The following ZFR variants were observed in gnomAD, a reference collection of about 807,000 sequenced individuals.
ZFR encodes zinc finger RNA-binding protein.
Under a neutral mutation model 130.7 loss-of-function variants are expected in ZFR, and 19 were observed. The ratio of observed to expected loss-of-function variants is 0.15; its 90% CI spans 0.10 to 0.21. The LOEUF (loss-of-function observed/expected upper bound fraction) is 0.21. Among genes scored for constraint, ZFR ranks in the 10% least tolerant of loss-of-function variants. ZFR has a pLI of 1.00. For missense variants in ZFR, 872 were observed against 1,321.5 expected (o/e 0.66, Z 5.27); for synonymous variants, 466 against 456.9 (o/e 1.02, Z -0.25).
chr5:32,442,532 C>T (rs1754497980), intron 2 of ZFR, among the ~76,000 whole-genome samples: 1 of 152,152 alleles, frequency 6.6e-6, no homozygotes, highest in Non-Finnish European at 1.5e-5. Context: ...CTTGAAATGC[C>T]CCCAAGATTT....
chr5:32,377,220 C>CTCTG (rs1752841326), intron 17 of ZFR, among the ~76,000 whole-genome samples: 2 of 150,236 alleles, frequency 1.3e-5, no homozygotes, highest in South Asian at 4.2e-4. Context: ...CTCTTTCTCT[C>CTCTG]TCTCTCTCTC....
rs1277132927 is a variant in ZFR, at chr5:32,355,326, C to T, written c.*434G>A. ...ATTAAGAAGGGGTAAAGGATACCAT[C>T]TATAACAAAGTAACTTACAACTAGT... is the stretch of plus-strand genomic sequence containing the variant. On this transcript the variant is annotated 3_prime_UTR_variant, in exon 20 of 20. Coordinates refer to ENST00000265069, the MANE Select transcript of ZFR (RefSeq NM_016107.5). 1 of 153,024 alleles carries T rather than the reference C, an allele frequency of 6.5e-6. No individual in the cohort carries two copies. The highest frequency in any genetic ancestry group is 1.5e-5 in the Non-Finnish European group (1 of 68,688). The allele number at this position is 153,024 out of a possible 1,614,324, so 9.5% of individuals were successfully genotyped here.
chr5:32,390,872 A>C (rs946083141), intron 11 of ZFR, among the ~76,000 whole-genome samples: 1 of 152,212 alleles, frequency 6.6e-6, no homozygotes, highest in African/African-American at 2.4e-5. Context: ...GCAGTGATAA[A>C]TGGCAAGTCA....
At chr5:32,422,655 C>A (rs1276199793) in intron 2 of ZFR, among the ~76,000 whole-genome samples, 1 of 151,670 alleles carries the variant, frequency 6.6e-6, no homozygotes, top group Admixed American at 6.6e-5. Flanking sequence ...TAAAAATTAG[C>A]CACACATGGT....
At chr5:32,365,987 T>C (rs1347204733) in intron 17 of ZFR, among the ~76,000 whole-genome samples, 1 of 152,168 alleles carries the variant, frequency 6.6e-6, no homozygotes, top group Non-Finnish European at 1.5e-5. Context: ...GAAAACTCTA[T>C]GTGTATGTAT....
intron 13 of ZFR, 57 bp downstream of exon 13, chr5:32,388,412 A>G (rs1753084620): frequency 3.3e-6 from 5 of 1,502,052 alleles, no homozygotes; most frequent in Non-Finnish European, 3.7e-6. Flanking sequence ...TTCAAATGTA[A>G]GAAGTCCACA....
intron 2 of ZFR, among the ~76,000 whole-genome samples, chr5:32,429,921 TG>T (rs1481444259): frequency 6.6e-6 from 1 of 151,716 alleles, no homozygotes; most frequent in African/African-American, 2.4e-5. Flanking sequence ...AATTTTTTTT[TG>T]TTTTAATTAG....
At chr5:32,396,660 C>G (rs1412136226) in intron 10 of ZFR, among the ~76,000 whole-genome samples, 1 of 152,056 alleles carries the variant, frequency 6.6e-6, no homozygotes, top group Non-Finnish European at 1.5e-5. Context: ...AATGCCTGAA[C>G]AGGGACCCAG....
chr5:32,436,970 A>T (rs180721675), intron 2 of ZFR, among the ~76,000 whole-genome samples: 2 of 152,284 alleles, frequency 1.3e-5, no homozygotes, highest in African/African-American at 2.4e-5. Flanking sequence ...ATTTATAGAT[A>T]AAAAAACTAA....
intron 17 of ZFR, among the ~76,000 whole-genome samples, chr5:32,377,674 C>CA (rs973632941): frequency 2.6e-5 from 4 of 151,888 alleles, no homozygotes; most frequent in African/African-American, 7.3e-5. Flanking sequence ...TAAAGAAATA[C>CA]AAAAAATTAG....
rs547715630 is a variant in ZFR, at chr5:32,418,550, T to C, written c.421-758A>G. 2.6e-5 allele frequency among the ~76,000 whole-genome samples: 4 copies of C among 152,280 alleles called. No homozygotes were observed. In the East Asian group the frequency reaches 5.8e-4, roughly 22 times the overall value. On this transcript the variant is annotated intron_variant, in intron 3 of 19. Coordinates refer to ENST00000265069, the MANE Select transcript of ZFR (RefSeq NM_016107.5). ...AAGTAAAGAGGGGTAGAAAGGTATG[T>C]AGGTGAAATGGCTGAAGTAGCAGGT...
intron 15 of ZFR, 133 bp downstream of exon 15, chr5:32,385,375 G>T: frequency 9.6e-7 from 1 of 1,037,394 alleles, no homozygotes; most frequent in Non-Finnish European, 1.4e-6. Flanking sequence ...AAAACCGGTT[G>T]CTAAATAAGT....
chr5:32,415,513 TGTGCGCGCGC>T (rs927456710), intron 4 of ZFR, among the ~76,000 whole-genome samples: 14 of 92,250 alleles, frequency 1.5e-4, no homozygotes, highest in African/African-American at 4.5e-4. Context: ...TGTGTGTGTG[TGTGCGCGCGC>T]GCGCGCGCGC....
chr5:32,370,359 C>T (rs376703165), intron 17 of ZFR, among the ~76,000 whole-genome samples: 1 of 125,106 alleles, frequency 8.0e-6, no homozygotes, highest in Non-Finnish European at 1.7e-5. Context: ...GAGAGACAGA[C>T]AGACAGACAG....
chr5:32,370,630 G>T (rs1421466687), intron 17 of ZFR, among the ~76,000 whole-genome samples: 1 of 152,256 alleles, frequency 6.6e-6, no homozygotes, highest in East Asian at 1.9e-4. Flanking sequence ...TCCCACCTTG[G>T]CTTCCTAAAG....
chr5:32,417,090 G>A, intron 4 of ZFR, among the ~76,000 whole-genome samples: 1 of 65,032 alleles, frequency 1.5e-5, no homozygotes, highest in Non-Finnish European at 2.7e-5. Context: ...CTTTTCAAAA[G>A]CTTTGTTTTA....
In ZFR at chr5:32,444,729, A is replaced by C; in HGVS notation, c.-71T>G. On this transcript the variant is annotated 5_prime_UTR_variant, in exon 1 of 20. Transcript: ENST00000265069. ...TCCCTCCTCTGCCCCGCTCCTCCTC[A>C]GCGGAGAACAGACCGCCGCCTCCGA... 1.3e-6 allele frequency: 2 copies of C among 1,485,506 alleles called. No individual in the cohort carries two copies. The highest frequency in any genetic ancestry group is 1.8e-6 in the Non-Finnish European group (2 of 1,118,140). The allele number at this position is 1,485,506 out of a possible 1,614,324, so 92.0% of individuals were successfully genotyped here.
At position 32,368,567 on chromosome 5, in the gene ZFR, C is replaced by T. The variant is rs547969620; in HGVS notation, c.2836-4292G>A. 6.6e-5 allele frequency among the ~76,000 whole-genome samples: 10 copies of T among 152,194 alleles called. No individual in the cohort carries two copies. In the East Asian group the frequency reaches 1.9e-3, roughly 29 times the overall value. On this transcript the variant is annotated intron_variant, in intron 17 of 19. Coordinates refer to ENST00000265069, the MANE Select transcript of ZFR (RefSeq NM_016107.5). ...TTTTAAAAGACACACATTAATTAGC[C>T]CAGCAATGGCAGTACTAAGATTTAC...
At chr5:32,355,963 T>C (rs1329225869) in intron 19 of ZFR, 24 bp from the exon 20 acceptor site, 7 of 1,555,734 alleles carry the variant, frequency 4.5e-6, no homozygotes, top group African/African-American at 1.4e-5. Context: ...AGTCAGAATT[T>C]TGAGTTAATT....
Sources: allele counts gnomAD v4.1 joint callset (sites outside exome capture counted in the v4.1 genomes callset), GRCh38; gene constraint gnomAD v4.1.1; transcripts MANE v1.5; gene names NCBI Gene and HGNC (gene_info 2026-07-23, HGNC 2026-07-21).